The following COL4A5 variants were observed in gnomAD, a reference collection of about 807,000 sequenced individuals.
COL4A5 encodes the protein collagen type IV alpha 5 chain.
In COL4A5, 26 loss-of-function variants were observed where a neutral mutation model predicts 130.2. That is an observed-to-expected ratio of 0.20 (90% confidence interval 0.15 to 0.28). The LOEUF (loss-of-function observed/expected upper bound fraction) is 0.28. COL4A5 is among the 10% of genes least tolerant of loss of function. The pLI is 1.00. For synonymous variants in COL4A5, 496 were observed against 439.6 expected (o/e 1.13, Z -1.60); for missense variants, 1,131 against 1,344.3 (o/e 0.84, Z 2.48).
At chrX:108,674,777 CTTTTT>C in intron 43 of COL4A5, 24 bp downstream of exon 43, 10 of 981,139 alleles carry the variant, frequency 1.0e-5, no homozygotes, top group Non-Finnish European at 1.2e-5. Flanking sequence ...CTGGTCAATT[CTTTTT>C]TTTTTTTTTT....
intron 1 of COL4A5, among the ~76,000 whole-genome samples, chrX:108,477,541 C>T (rs994111076): frequency 2.7e-5 from 3 of 111,221 alleles, no homozygotes; most frequent in Non-Finnish European, 5.7e-5. Context: ...AGGCCGGGCG[C>T]GGTGGCTCAT....
intron 1 of COL4A5, among the ~76,000 whole-genome samples, chrX:108,486,047 G>A (rs2064942187): frequency 8.9e-6 from 1 of 111,964 alleles, no homozygotes; most frequent in African/African-American, 3.3e-5. Context: ...GTAGGCGGGT[G>A]TCAGCTGTGT....
At chrX:108,608,795 C>T (rs1340398269) in intron 29 of COL4A5, among the ~76,000 whole-genome samples, 1 of 111,491 alleles carries the variant, frequency 9.0e-6, no homozygotes, top group Non-Finnish European at 1.9e-5. Context: ...TGCCCCTTTC[C>T]AGTCAGTCCC....
At chrX:108,485,975 C>G (rs2064941206) in intron 1 of COL4A5, among the ~76,000 whole-genome samples, 1 of 111,813 alleles carries the variant, frequency 8.9e-6, no homozygotes, top group Non-Finnish European at 1.9e-5. Flanking sequence ...TGCTGGAACT[C>G]AAGTTCTAGT....
chrX:108,629,289 AAG>A (rs1190987468), intron 36 of COL4A5, among the ~76,000 whole-genome samples: 11 of 111,648 alleles, frequency 9.9e-5, no homozygotes, highest in Non-Finnish European at 1.7e-4. Flanking sequence ...AGCAAATGGA[AAG>A]AGTTAACATG....
chrX:108,514,336 C>T (rs2065203565), intron 1 of COL4A5, among the ~76,000 whole-genome samples: 1 of 112,029 alleles, frequency 8.9e-6, no homozygotes, highest in Admixed American at 9.5e-5. Flanking sequence ...AAGTCATTAC[C>T]ATTTCCTGGG....
chrX:108,677,758 C>T (rs1206059924), intron 44 of COL4A5, 125 bp downstream of exon 44: 15 of 873,872 alleles, frequency 1.7e-5, no homozygotes, highest in African/African-American at 1.2e-4. Context: ...GGCTCACTGG[C>T]GAATTAAAAA....
intron 1 of COL4A5, among the ~76,000 whole-genome samples, chrX:108,473,633 A>ATATATATATATATTTTTTTTTTT: frequency 2.9e-5 from 1 of 34,565 alleles, no homozygotes; most frequent in African/African-American, 1.1e-4. Flanking sequence ...ATATATATAT[A>ATATATATATATATTTTTTTTTTT]TTTTTTTTTT....
At chrX:108,621,351 G>T (rs376531955) in intron 31 of COL4A5, among the ~76,000 whole-genome samples, 1 of 108,364 alleles carries the variant, frequency 9.2e-6, no homozygotes, top group Non-Finnish European at 1.9e-5. Context: ...TCTTTGTAGT[G>T]ATGGAGTCTC....
At chrX:108,637,459 T>A (rs1217254686) in intron 36 of COL4A5, among the ~76,000 whole-genome samples, 2 of 110,591 alleles carry the variant, frequency 1.8e-5, no homozygotes, top group African/African-American at 6.6e-5. Flanking sequence ...CAGAGATAAA[T>A]AAAATACAGA....
At chrX:108,512,934 A>G (rs2065191838) in intron 1 of COL4A5, among the ~76,000 whole-genome samples, 1 of 111,079 alleles carries the variant, frequency 9.0e-6, no homozygotes, top group African/African-American at 3.3e-5. Context: ...TTTCATCCCT[A>G]CAGTTTCGAC....
chrX:108,667,776 A>G (rs903008000), intron 40 of COL4A5, among the ~76,000 whole-genome samples: 1 of 110,956 alleles, frequency 9.0e-6, no homozygotes, highest in African/African-American at 3.3e-5. Flanking sequence ...TGATACCAAC[A>G]TGGAAATTAT....
In COL4A5 at chrX:108,571,486, A is replaced by G; in HGVS notation, c.438+20A>G. 8.8e-7 allele frequency: 1 copy of G among 1,142,645 alleles called. No individual in the cohort carries two copies. Among genetic ancestry groups the G allele is most frequent in the African/African-American group, 1.8e-5 (1 of 56,403 alleles). The allele number at this position is 1,142,645 out of a possible 1,213,427, so 94.2% of individuals were successfully genotyped here. The stretch of plus-strand genomic sequence containing the variant: ...CCTCCAGTAAGTTATAAAATTTGGG[A>G]TTATGATGAACACAGGAATTAACAA... On this transcript the variant is annotated intron_variant, in intron 7 of 52. Transcript: ENST00000328300.
At chrX:108,648,898 A>G (rs2067664792) in intron 36 of COL4A5, among the ~76,000 whole-genome samples, 1 of 111,399 alleles carries the variant, frequency 9.0e-6, no homozygotes, top group Non-Finnish European at 1.9e-5. Flanking sequence ...TAGAACAATC[A>G]GACAAGAGAA....
intron 10 of COL4A5, among the ~76,000 whole-genome samples, chrX:108,577,353 C>T (rs960532417): frequency 1.6e-5 from 1 of 63,124 alleles, no homozygotes; most frequent in Non-Finnish European, 2.8e-5. Flanking sequence ...GCCTGGGCAA[C>T]AAGAGGGAAA....
intron 18 of COL4A5, among the ~76,000 whole-genome samples, chrX:108,585,148 A>G (rs757257992): frequency 8.9e-6 from 1 of 112,235 alleles, no homozygotes; most frequent in South Asian, 3.7e-4. Context: ...GGAATAAAAT[A>G]TCATTGCTGA....
chrX:108,622,806 G>A lies in COL4A5; in HGVS notation c.2898G>A (p.Lys966=). The change falls in exon 33 of 53, where the codon AAG becomes AAA. Residue 966 remains lysine (K), a synonymous_variant. Transcript: ENST00000328300. ...ATCTTCTGGGCTCAAAAGGAGAGAA[G>A]GGGGAACCTGGCTTACCAGGTGAGT... is the stretch of plus-strand genomic sequence containing the variant. ...DPNLLGSKGE[K]GEPGLPGIPG... The A allele has an allele frequency of 8.3e-7, 1 of 1,209,729 alleles. No individual in the cohort carries two copies. Among genetic ancestry groups the A allele is most frequent in the Non-Finnish European group, 1.1e-6 (1 of 894,699 alleles).
chrX:108,629,811 C>T (rs1443095626), intron 36 of COL4A5, among the ~76,000 whole-genome samples: 1 of 110,599 alleles, frequency 9.0e-6, no homozygotes, highest in African/African-American at 3.3e-5. Flanking sequence ...TATCCCTCCC[C>T]CATTCCCCCA....
At chrX:108,650,940 A>C (rs908262865) in intron 36 of COL4A5, among the ~76,000 whole-genome samples, 9 of 111,431 alleles carry the variant, frequency 8.1e-5, no homozygotes, top group African/African-American at 2.9e-4. Context: ...ATTAAAAAAA[A>C]CAAGCAAACA....
Sources: gnomAD v4.1 joint callset for allele counts (sites outside exome capture counted in the v4.1 genomes callset) on GRCh38, gnomAD v4.1.1 for gene constraint, MANE v1.5 for transcripts, NCBI Gene and HGNC (gene_info 2026-07-23, HGNC 2026-07-21) for gene names.